MAML3: variants seen among roughly 807,000 people sequenced by gnomAD.
The protein encoded by MAML3 is mastermind-like protein 3.
MAML3 carries 27 observed loss-of-function variants against 101.9 expected under a neutral mutation model. The ratio of observed to expected loss-of-function variants is 0.27; its 90% CI spans 0.20 to 0.37. MAML3 has a LOEUF of 0.37. Ranked by LOEUF, MAML3 falls within the 10% of genes least tolerant of loss-of-function variation. The pLI is 1.00. For synonymous variants in MAML3, 501 were observed against 555.9 expected (o/e 0.90, Z 1.39); for missense variants, 1,316 against 1,444.9 (o/e 0.91, Z 1.45).
chr4:140,071,335 C>T (rs935353306), intron 1 of MAML3, among the ~76,000 whole-genome samples: 3 of 152,126 alleles, frequency 2.0e-5, no homozygotes, highest in African/African-American at 7.2e-5. Flanking sequence ...CCTTCTTTAG[C>T]AAGGAAATGG....
At chr4:139,920,805 G>T (rs764079800) in intron 1 of MAML3, among the ~76,000 whole-genome samples, 1 of 152,180 alleles carries the variant, frequency 6.6e-6, no homozygotes, top group Non-Finnish European at 1.5e-5. Context: ...CAGGATGACT[G>T]TCTGGGGTGA....
chr4:139,919,043 T>G (rs1468200201), intron 1 of MAML3, among the ~76,000 whole-genome samples: 4 of 152,216 alleles, frequency 2.6e-5, no homozygotes, highest in Non-Finnish European at 5.9e-5. Context: ...GGTTAAATCC[T>G]AAAGAGAAAT....
chr4:140,068,736 T>C (rs1258830506), intron 1 of MAML3, among the ~76,000 whole-genome samples: 5 of 152,308 alleles, frequency 3.3e-5, no homozygotes, highest in African/African-American at 4.8e-5. Context: ...TAAATACCTA[T>C]AAAAGATGAA....
chr4:139,801,860 T>C (rs1487589727), intron 2 of MAML3, among the ~76,000 whole-genome samples: 1 of 152,080 alleles, frequency 6.6e-6, no homozygotes, highest in Non-Finnish European at 1.5e-5. Flanking sequence ...GAAGAGTTAA[T>C]TCCTAAGTAC....
At chr4:140,041,293 A>T (rs1283917036) in intron 1 of MAML3, among the ~76,000 whole-genome samples, 2 of 152,116 alleles carry the variant, frequency 1.3e-5, no homozygotes, top group Non-Finnish European at 1.5e-5. Context: ...GGAGTAGGCC[A>T]GAGATAGGAA....
At chr4:139,864,705 A>AAAAG (rs1731859021) in intron 2 of MAML3, among the ~76,000 whole-genome samples, 1 of 150,524 alleles carries the variant, frequency 6.6e-6, no homozygotes, top group African/African-American at 2.4e-5. Context: ...AAAAAGAAAA[A>AAAAG]GAAATCTTGA....
intron 2 of MAML3, among the ~76,000 whole-genome samples, chr4:139,742,362 T>C (rs2111025845): frequency 6.6e-6 from 1 of 152,322 alleles, no homozygotes; most frequent in Non-Finnish European, 1.5e-5. Flanking sequence ...TTGGCCAGGC[T>C]GGTCTCAAAC....
At chr4:139,772,662 T>G (rs1320583354) in intron 2 of MAML3, among the ~76,000 whole-genome samples, 3 of 152,014 alleles carry the variant, frequency 2.0e-5, no homozygotes, top group Non-Finnish European at 4.4e-5. Flanking sequence ...TTAACATTAT[T>G]GGCCCTCCAT....
chr4:139,992,989 T>A (rs1008026184), intron 1 of MAML3, among the ~76,000 whole-genome samples: 1 of 152,252 alleles, frequency 6.6e-6, no homozygotes, highest in Non-Finnish European at 1.5e-5. Context: ...AAATGTCTAT[T>A]TAAATCTTTT....
chr4:139,924,564 G>A (rs983266561), intron 1 of MAML3, among the ~76,000 whole-genome samples: 3 of 152,140 alleles, frequency 2.0e-5, no homozygotes, highest in Non-Finnish European at 2.9e-5. Context: ...TGAAACAGAA[G>A]TCATATCCTA....
At chr4:140,113,697 G>T (rs1728474996) in intron 1 of MAML3, among the ~76,000 whole-genome samples, 1 of 152,210 alleles carries the variant, frequency 6.6e-6, no homozygotes, top group African/African-American at 2.4e-5. Context: ...GTAGAGTCTT[G>T]TTGGGTGTTT....
At chr4:140,138,401 A>C (rs193063178) in intron 1 of MAML3, among the ~76,000 whole-genome samples, 2 of 152,314 alleles carry the variant, frequency 1.3e-5, no homozygotes, top group East Asian at 3.9e-4. Context: ...TCCTAGTTAA[A>C]CTGCAAAATA....
intron 1 of MAML3, among the ~76,000 whole-genome samples, chr4:140,049,652 AAATC>A (rs1578659025): frequency 6.7e-6 from 1 of 149,332 alleles, no homozygotes; most frequent in East Asian, 1.9e-4. Flanking sequence ...ATCTACGTAT[AAATC>A]ATACATGTTG....
chr4:139,986,129 G>A (rs1183260368), intron 1 of MAML3, among the ~76,000 whole-genome samples: 1 of 152,204 alleles, frequency 6.6e-6, no homozygotes, highest in Non-Finnish European at 1.5e-5. Flanking sequence ...GGCTCTCATT[G>A]TTTCCTATGG....
chr4:139,960,433 G>C (rs1410717581), intron 1 of MAML3, among the ~76,000 whole-genome samples: 4 of 152,158 alleles, frequency 2.6e-5, no homozygotes, highest in African/African-American at 9.7e-5. Flanking sequence ...TGGATTTTAT[G>C]CTGGAGCTCC....
intron 1 of MAML3, among the ~76,000 whole-genome samples, chr4:139,911,516 C>T (rs1417536750): frequency 6.6e-6 from 1 of 152,158 alleles, no homozygotes; most frequent in Non-Finnish European, 1.5e-5. Context: ...CTGCGCCCAG[C>T]CCAGAATTTC....
At chr4:139,801,244 C>A (rs1578607802) in intron 2 of MAML3, among the ~76,000 whole-genome samples, 1 of 152,214 alleles carries the variant, frequency 6.6e-6, no homozygotes, top group Non-Finnish European at 1.5e-5. Flanking sequence ...AAATATAGAA[C>A]ACCCAGTTAA....
chr4:139,830,971 T>C (rs965549164), intron 2 of MAML3, among the ~76,000 whole-genome samples: 2 of 152,076 alleles, frequency 1.3e-5, no homozygotes, highest in Admixed American at 1.3e-4. Context: ...AAAAGCAATA[T>C]TGATAGAGTG....
At chr4:139,852,513 A>G (rs993658812) in intron 2 of MAML3, among the ~76,000 whole-genome samples, 2 of 148,632 alleles carry the variant, frequency 1.3e-5, no homozygotes, top group Middle Eastern at 3.3e-3. Flanking sequence ...CCCGGGTTCA[A>G]GCGATTCTTC....
Sources: allele counts gnomAD v4.1 joint callset (sites outside exome capture counted in the v4.1 genomes callset), GRCh38; gene constraint gnomAD v4.1.1; transcripts MANE v1.5; gene names NCBI Gene and HGNC (gene_info 2026-07-23, HGNC 2026-07-21).